COL23A1: variants seen among roughly 807,000 people sequenced by gnomAD.
COL23A1 encodes collagen type XXIII alpha 1 chain.
COL23A1 carries 97 observed loss-of-function variants against 99.3 expected under a neutral mutation model. The observed-to-expected ratio is 0.98, with a 90% CI of 0.83 to 1.16. COL23A1 has a LOEUF of 1.16. COL23A1 is among the 50% of genes most tolerant of loss of function. COL23A1 has a pLI of 0.00. For missense variants in COL23A1, 762 were observed against 757.4 expected, an observed-to-expected ratio of 1.01 and a Z score of -0.07; for synonymous variants, 320 against 308.2, an observed-to-expected ratio of 1.04 and a Z score of -0.40.
At chr5:178,364,712 C>T (rs546819095) in intron 2 of COL23A1, among the ~76,000 whole-genome samples, 10 of 152,312 alleles carry the variant, frequency 6.6e-5, no homozygotes, top group South Asian at 4.1e-4. Context: ...TTCCTGTCCC[C>T]ACTCCAGAGG....
chr5:178,542,456 G>A (rs550836764), intron 2 of COL23A1, among the ~76,000 whole-genome samples: 2 of 152,340 alleles, frequency 1.3e-5, no homozygotes, highest in African/African-American at 4.8e-5. Context: ...AAGTGTGTGA[G>A]GACCCTCTGC....
At chr5:178,385,845 C>T (rs773981587) in intron 2 of COL23A1, among the ~76,000 whole-genome samples, 2 of 152,168 alleles carry the variant, frequency 1.3e-5, no homozygotes, top group Non-Finnish European at 2.9e-5. Context: ...GTTCCCGTGT[C>T]GGCTGCCAGG....
intron 2 of COL23A1, among the ~76,000 whole-genome samples, chr5:178,542,701 G>A (rs556530388): frequency 8.1e-4 from 123 of 152,192 alleles, no homozygotes; most frequent in African/African-American, 2.8e-3. Flanking sequence ...GAGAGGAAGG[G>A]GGAGGGGAGG....
At chr5:178,486,545 A>C (rs1562014896) in intron 2 of COL23A1, among the ~76,000 whole-genome samples, 1 of 151,940 alleles carries the variant, frequency 6.6e-6, no homozygotes, top group Non-Finnish European at 1.5e-5. Context: ...GAGGGTTGAA[A>C]AAAAGAAACG....
At chr5:178,559,145 T>C (rs1762428803) in intron 2 of COL23A1, among the ~76,000 whole-genome samples, 1 of 152,132 alleles carries the variant, frequency 6.6e-6, no homozygotes, top group African/African-American at 2.4e-5. Flanking sequence ...AAATCCTCTT[T>C]CTCGTATTAA....
chr5:178,404,127 A>G lies in COL23A1; in HGVS notation c.362-97208T>C, dbSNP rs574339394. 2.6e-5 allele frequency among the ~76,000 whole-genome samples: 4 copies of G among 152,176 alleles called. No individual in the cohort carries two copies. The East Asian group carries it at 5.8e-4, about 22-fold the overall frequency. On this transcript the variant is annotated intron_variant, in intron 2 of 28. Coordinates refer to ENST00000390654, the MANE Select transcript of COL23A1 (RefSeq NM_173465.4). ...TGTAGTGAACAGTCAGAACCGGAAG[A>G]CGGCAGCCATTCGCGGAGCGCCTAC...
At chr5:178,347,188 C>A (rs1331163824) in intron 2 of COL23A1, among the ~76,000 whole-genome samples, 1 of 152,170 alleles carries the variant, frequency 6.6e-6, no homozygotes, top group African/African-American at 2.4e-5. Context: ...GCCACCCACA[C>A]GGAAACTGAA....
chr5:178,256,677 T>C (rs558432112), intron 14 of COL23A1, among the ~76,000 whole-genome samples, 189 bp downstream of exon 14: 108 of 152,282 alleles, frequency 7.1e-4, no homozygotes, highest in African/African-American at 2.3e-3. Flanking sequence ...AGTGGAGGCC[T>C]TGCCACTCAC....
chr5:178,405,922 G>GT (rs992935985), intron 2 of COL23A1, among the ~76,000 whole-genome samples: 15 of 152,192 alleles, frequency 9.9e-5, no homozygotes, highest in African/African-American at 3.4e-4. Flanking sequence ...GGACAACACA[G>GT]TGAAACCTCA....
rs536411938 is a variant in COL23A1, at chr5:178,247,916, C to T, written c.1213-85G>A. The T allele has an allele frequency of 3.4e-4, 414 of 1,200,680 alleles. 4 individuals are homozygous for T. In the South Asian group the frequency reaches 5.4e-3, roughly 16 times the overall value. The allele number at this position is 1,200,680 out of a possible 1,614,324, so 74.4% of individuals were successfully genotyped here. The stretch of plus-strand genomic sequence containing the variant: ...CCGAGCTCATCGCACACTGCTGGAT[C>T]GAGAGTCTCCTTCCTGCCCCCCAGA... On this transcript the variant is annotated intron_variant, in intron 20 of 28. Transcript: ENST00000390654.
chr5:178,261,676 A>C, intron 11 of COL23A1, 46 bp downstream of exon 11: 1 of 1,452,346 alleles, frequency 6.9e-7, no homozygotes, highest in African/African-American at 1.4e-5. Context: ...GGGGGAGTCC[A>C]TCCCACCAGA....
intron 2 of COL23A1, among the ~76,000 whole-genome samples, chr5:178,456,421 G>A (rs760356371): frequency 3.3e-5 from 5 of 152,184 alleles, no homozygotes; most frequent in African/African-American, 7.2e-5. Context: ...GAGTTTGGCC[G>A]GGCATGGTGG....
chr5:178,371,305 C>A (rs1400674533), intron 2 of COL23A1, among the ~76,000 whole-genome samples: 1 of 152,202 alleles, frequency 6.6e-6, no homozygotes, highest in Non-Finnish European at 1.5e-5. Flanking sequence ...CCAGGCAGCA[C>A]CCCAGGCCTA....
At chr5:178,359,063 G>A (rs1046017904) in intron 2 of COL23A1, among the ~76,000 whole-genome samples, 1 of 152,222 alleles carries the variant, frequency 6.6e-6, no homozygotes, top group African/African-American at 2.4e-5. Flanking sequence ...AAAGCACAGA[G>A]TCGCAGGATG....
chr5:178,508,743 T>C (rs186072668), intron 2 of COL23A1, among the ~76,000 whole-genome samples: 2 of 152,296 alleles, frequency 1.3e-5, no homozygotes, highest in East Asian at 3.9e-4. Flanking sequence ...AGTTCTTACC[T>C]AAACAAGTGC....
chr5:178,354,991 G>A (rs1404432097), intron 2 of COL23A1, among the ~76,000 whole-genome samples: 2 of 151,622 alleles, frequency 1.3e-5, no homozygotes, highest in African/African-American at 2.4e-5. Flanking sequence ...CCGGGAGGCG[G>A]AGGTTGCAGT....
chr5:178,368,552 G>T (rs965870536), intron 2 of COL23A1, among the ~76,000 whole-genome samples: 9 of 152,196 alleles, frequency 5.9e-5, no homozygotes, highest in Admixed American at 3.3e-4. Flanking sequence ...GTATCACACG[G>T]AGTAGTTCCA....
chr5:178,540,647 C>T lies in COL23A1; in HGVS notation c.361+20035G>A, dbSNP rs75337842. 1.8e-3 allele frequency among the ~76,000 whole-genome samples: 272 copies of T among 152,108 alleles called. 1 individual carries two copies. The East Asian group carries it at 0.024, about 14-fold the overall frequency. ...TCAAAATCTCAGCAGGGTGGCTGGG[C>T]GTGGTGGCTCATGCCTGCAGTCCCA... On this transcript the variant is annotated intron_variant, in intron 2 of 28. Transcript: ENST00000390654.
intron 1 of COL23A1, among the ~76,000 whole-genome samples, chr5:178,571,991 CTG>C (rs1763126225): frequency 6.7e-6 from 1 of 149,424 alleles, no homozygotes; most frequent in Non-Finnish European, 1.5e-5. Context: ...TGGCGTGAAC[CTG>C]AGAGGCGGAG....
Sources: gnomAD v4.1 joint callset for allele counts (sites outside exome capture counted in the v4.1 genomes callset) on GRCh38, gnomAD v4.1.1 for gene constraint, MANE v1.5 for transcripts, NCBI Gene and HGNC (gene_info 2026-07-23, HGNC 2026-07-21) for gene names.